Variants in ZZEF1 observed in about 807,000 individuals in gnomAD.
ZZEF1 encodes zinc finger ZZ-type and EF-hand domain-containing protein 1.
ZZEF1 carries 157 observed loss-of-function variants against 342.8 expected under a neutral mutation model. That is an observed-to-expected ratio of 0.46 (90% CI 0.40 to 0.52). ZZEF1 has a LOEUF of 0.52. ZZEF1 is among the 20% of genes least tolerant of loss of function. The pLI is 0.00. For synonymous variants in ZZEF1, 1,505 were observed against 1,429.1 expected (o/e 1.05, Z -1.20); for missense variants, 3,480 against 3,725.6 (o/e 0.93, Z 1.72).
chr17:4,038,560 T>C (rs1263498817), intron 39 of ZZEF1, among the ~76,000 whole-genome samples: 1 of 152,178 alleles, frequency 6.6e-6, no homozygotes, highest in African/African-American at 2.4e-5. Flanking sequence ...ATTCCAGCAC[T>C]TTGGGAGGCC....
In ZZEF1 at chr17:4,064,379, T is replaced by C. The variant is rs769925579; in HGVS notation, c.4700A>G (p.Gln1567Arg). 5.2e-5 allele frequency: 83 copies of C among 1,595,462 alleles called. No individual in the cohort carries two copies. The highest frequency in any genetic ancestry group is 6.6e-5 in the Non-Finnish European group (77 of 1,166,260). Reference protein sequence around the residue: ...LKDVMDFIKDQSLSHRSVVKV... With the variant: ...LKDVMDFIKDRSLSHRSVVKV... The stretch of plus-strand genomic sequence containing the variant: ...GGCTTACCTCCTGTGCGAGAGCGAC[T>C]GATCCTTAATGAAGTCCATGACGTC... The change falls in exon 29 of 55, where the codon CAG becomes CGG. Residue 1567 changes from glutamine (Q) to arginine (R), a missense_variant. This residue lies in a region of ZZEF1 where 1,528 missense variants were observed against 1,624.1 expected (regional missense o/e 0.94). Coordinates refer to ENST00000381638, the MANE Select transcript of ZZEF1 (RefSeq NM_015113.4).
Position 4,008,500 on chromosome 17 carries a change from A to C in ZZEF1, c.8805+383T>G, listed in dbSNP as rs1137841. The C allele has an allele frequency of 9.9e-7, 1 of 1,012,090 alleles. No individual in the cohort carries two copies. The highest frequency in any genetic ancestry group is 1.7e-5 in the African/African-American group (1 of 58,192). 62.7% of individuals were successfully genotyped at this position (1,012,090 alleles called of 1,614,324 possible). ...TTTCTGAGCTCCTCAGTCAGTGAAA[A>C]GTGTGAAGCGTCCTGAGACCAAACA... On this transcript the variant is annotated intron_variant, in intron 54 of 54. Transcript: ENST00000381638. This position sits in a 1 kb window ranked among gnomAD's most constrained non-coding sequence, Gnocchi z 4.2.
chr17:4,024,097 T>A (rs2056340396), intron 43 of ZZEF1, among the ~76,000 whole-genome samples: 1 of 151,040 alleles, frequency 6.6e-6, no homozygotes, highest in Admixed American at 6.6e-5. Context: ...ATATGTTTCC[T>A]TGAAAAATCA....
Position 4,114,466 on chromosome 17 carries a change from G to A in ZZEF1, c.699C>T (p.Ser233=), listed in dbSNP as rs1480391329. Residue 233 remains serine, a synonymous_variant, in exon 4 of 55, where the codon AGC becomes AGT. Coordinates refer to ENST00000381638, the MANE Select transcript of ZZEF1 (RefSeq NM_015113.4). The part of the protein sequence containing the change: ...LDQLVQKEKE[S]PGDLTRSPEM... ...CTGGACTTCTAGTTAGATCTCCAGG[G>A]CTTTCTGTAGGGGAAACCAGAGTTG... 2.0e-6 allele frequency: 3 copies of A among 1,532,834 alleles called. No homozygotes were observed. The highest frequency in any genetic ancestry group is 4.1e-5 in the Admixed American group (2 of 49,118). 95.0% of individuals were successfully genotyped at this position (1,532,834 alleles called of 1,614,324 possible).
rs2057637141 is a variant in ZZEF1 at position 4,077,061 on chromosome 17, A to C, written c.2990-72T>G. 3 of 1,409,356 alleles carry C rather than the reference A, an allele frequency of 2.1e-6. No individual in the cohort carries two copies. The South Asian group carries it at 4.9e-5, about 23-fold the overall frequency. The allele number at this position is 1,409,356 out of a possible 1,614,324, so 87.3% of individuals were successfully genotyped here. A position where few individuals can be genotyped will look rare whatever the true frequency, so the allele number is the denominator to read the frequency against. On this transcript the variant is annotated intron_variant, in intron 19 of 54. Transcript: ENST00000381638. ...CACATGCTTGGTTATCACCACAGAC[A>C]AGAATAAAGAGACTCCAGAAGCTGC...
chr17:4,123,306 TATATC>T (rs2058519344), intron 2 of ZZEF1, among the ~76,000 whole-genome samples: 2 of 127,006 alleles, frequency 1.6e-5, no homozygotes, highest in Admixed American at 8.0e-5. Flanking sequence ...TATATATATA[TATATC>T]AGAAAAATAT....
intron 3 of ZZEF1, 36 bp downstream of exon 3, chr17:4,116,936 C>G (rs1202659494): frequency 5.9e-6 from 9 of 1,516,990 alleles, no homozygotes; most frequent in Non-Finnish European, 8.0e-6. Context: ...AAGAAATGAT[C>G]AGAGTATTTT....
chr17:4,079,887 A>T (rs2057690156), intron 18 of ZZEF1, among the ~76,000 whole-genome samples: 2 of 152,238 alleles, frequency 1.3e-5, no homozygotes, highest in Admixed American at 1.3e-4. Flanking sequence ...AAAAGATACA[A>T]GATAAGTTAT....
intron 5 of ZZEF1, among the ~76,000 whole-genome samples, chr17:4,112,033 A>T (rs1262005964): frequency 1.7e-4 from 9 of 54,472 alleles, no homozygotes; most frequent in Non-Finnish European, 3.2e-4. Context: ...ATCCTGTCTA[A>T]ATATATATAT....
intron 10 of ZZEF1, 127 bp from the exon 11 acceptor site, chr17:4,096,106 T>A: frequency 9.5e-7 from 1 of 1,047,428 alleles, no homozygotes; most frequent in Non-Finnish European, 1.3e-6. Flanking sequence ...TTCAAACATA[T>A]TAAGCCCTCA....
intron 39 of ZZEF1, among the ~76,000 whole-genome samples, chr17:4,038,005 C>T (rs185047911): frequency 9.8e-5 from 15 of 152,318 alleles, no homozygotes; most frequent in African/African-American, 3.6e-4. Context: ...ACTTTGATGA[C>T]TGCTGTCTGG....
intron 2 of ZZEF1, among the ~76,000 whole-genome samples, chr17:4,122,326 C>T (rs916112810): frequency 6.6e-6 from 1 of 151,692 alleles, no homozygotes. Flanking sequence ...TCTGTCTTTA[C>T]GTGTAAGTCT....
At chr17:4,046,766 T>G (rs2056923415) in intron 37 of ZZEF1, among the ~76,000 whole-genome samples, 1 of 152,220 alleles carries the variant, frequency 6.6e-6, no homozygotes, top group Non-Finnish European at 1.5e-5. Flanking sequence ...GGCAAATGAC[T>G]TATCTTTTTT....
chr17:4,022,239 G>A (rs775501244), intron 44 of ZZEF1, among the ~76,000 whole-genome samples: 1 of 152,164 alleles, frequency 6.6e-6, no homozygotes, highest in Non-Finnish European at 1.5e-5. Context: ...GCCGAAAGTT[G>A]GCACTGGGCA....
chr17:4,103,833 T>C (rs904074986), intron 8 of ZZEF1, among the ~76,000 whole-genome samples: 3 of 152,114 alleles, frequency 2.0e-5, no homozygotes, highest in African/African-American at 7.2e-5. Flanking sequence ...CACAGGAGGA[T>C]CACTTGAGCC....
intron 24 of ZZEF1, 68 bp from the exon 25 acceptor site, chr17:4,072,824 GAAAGA>G: frequency 2.1e-6 from 3 of 1,448,376 alleles, no homozygotes; most frequent in Non-Finnish European, 2.8e-6. Context: ...TTTGAAATGA[GAAAGA>G]AAAGGTTAAA....
intron 25 of ZZEF1, 149 bp from the exon 26 acceptor site, chr17:4,071,073 T>G: frequency 1.1e-6 from 1 of 906,584 alleles, no homozygotes; most frequent in Non-Finnish European, 1.6e-6. Flanking sequence ...CAGACAGAGA[T>G]ATGAGTTAAA....
chr17:4,035,151 T>C (rs1419194837), intron 39 of ZZEF1, among the ~76,000 whole-genome samples: 1 of 152,226 alleles, frequency 6.6e-6, no homozygotes, highest in East Asian at 1.9e-4. Context: ...TTCATTATTA[T>C]AAAAACCATT....
intron 1 of ZZEF1, among the ~76,000 whole-genome samples, chr17:4,141,901 G>A (rs2058857682): frequency 6.6e-6 from 1 of 152,176 alleles, no homozygotes; most frequent in African/African-American, 2.4e-5. Flanking sequence ...TAGCAGACAT[G>A]ATCTTGGTGA....
Sources: allele counts gnomAD v4.1 joint callset (sites outside exome capture counted in the v4.1 genomes callset), GRCh38; gene constraint gnomAD v4.1.1; regional missense constraint gnomAD v4.1.1; non-coding constraint Gnocchi (gnomAD v3.1); transcripts MANE v1.5; gene names NCBI Gene and HGNC (gene_info 2026-07-23, HGNC 2026-07-21).